The following GADL1 variants were observed in gnomAD, a reference collection of about 807,000 sequenced individuals.
GADL1 encodes the protein GAD like acidic amino acid decarboxylase 1.
In GADL1, 71 loss-of-function variants were observed where a neutral mutation model predicts 69.5. The ratio of observed to expected loss-of-function variants is 1.02; its 90% confidence interval spans 0.84 to 1.25. The LOEUF (loss-of-function observed/expected upper bound fraction) is 1.25, where lower values mean the gene tolerates loss of function less well. Among genes scored for constraint, GADL1 ranks in the 50% most tolerant of loss-of-function variants. The pLI is 0.00. For missense variants in GADL1, 737 were observed against 631.8 expected (o/e 1.17, Z -1.79); for synonymous variants, 254 against 214.4 (o/e 1.18, Z -1.62).
intron 1 of GADL1, among the ~76,000 whole-genome samples, chr3:30,880,020 C>T (rs1267909150): frequency 1.4e-5 from 2 of 138,166 alleles, no homozygotes; most frequent in African/African-American, 5.8e-5. Context: ...ACACTGCTGG[C>T]ATAAAGGAAG....
intron 14 of GADL1, among the ~76,000 whole-genome samples, chr3:30,775,143 T>C (rs1297534413): frequency 6.6e-6 from 1 of 152,204 alleles, no homozygotes; most frequent in Non-Finnish European, 1.5e-5. Flanking sequence ...TGTTCTCAAA[T>C]AGTCTCACGT....
At chr3:30,778,146 CAAAAAG>C in intron 14 of GADL1, 27 bp downstream of exon 14, 1 of 1,259,908 alleles carries the variant, frequency 7.9e-7, no homozygotes, top group Non-Finnish European at 1.2e-6. Flanking sequence ...TCTACTTCAT[CAAAAAG>C]AAAAATACCA....
At chr3:30,879,706 G>A (rs186910495) in intron 1 of GADL1, among the ~76,000 whole-genome samples, 8 of 151,954 alleles carry the variant, frequency 5.3e-5, no homozygotes. Flanking sequence ...CAGAAATGGA[G>A]ATTTTTCCGT....
intron 1 of GADL1, among the ~76,000 whole-genome samples, chr3:30,863,408 A>G (rs867266327): frequency 7.2e-5 from 11 of 152,036 alleles, no homozygotes; most frequent in Middle Eastern, 3.2e-3. Context: ...CATGCCGATC[A>G]TTGACTAAAT....
At chr3:30,888,418 A>T (rs1437171109) in intron 1 of GADL1, among the ~76,000 whole-genome samples, 1 of 152,198 alleles carries the variant, frequency 6.6e-6, no homozygotes. Context: ...ACCATCGTGG[A>T]GTTGCGGAGA....
At chr3:30,743,073 T>C (rs1695650321) in intron 14 of GADL1, among the ~76,000 whole-genome samples, 1 of 152,022 alleles carries the variant, frequency 6.6e-6, no homozygotes. Context: ...GCTACATAAA[T>C]TTTTTTCAAC....
At chr3:30,860,660 A>G (rs1280824765) in intron 2 of GADL1, among the ~76,000 whole-genome samples, 4 of 152,004 alleles carry the variant, frequency 2.6e-5, no homozygotes, top group African/African-American at 4.8e-5. Context: ...TAAAAATGAT[A>G]CTTATTTCTA....
chr3:30,770,649 A>G (rs1348214806), intron 14 of GADL1, among the ~76,000 whole-genome samples: 1 of 152,086 alleles, frequency 6.6e-6, no homozygotes, highest in Non-Finnish European at 1.5e-5. Flanking sequence ...GTCTCATCCT[A>G]ACCTCAGGCC....
At chr3:30,833,712 T>G (rs1363062989) in intron 11 of GADL1, 141 bp downstream of exon 11, 13 of 633,758 alleles carry the variant, frequency 2.1e-5, no homozygotes, top group Non-Finnish European at 2.9e-5. Flanking sequence ...GTCTTTCATG[T>G]AGAGACCATC....
intron 14 of GADL1, among the ~76,000 whole-genome samples, chr3:30,770,562 G>A (rs529432388): frequency 5.3e-5 from 8 of 151,404 alleles, no homozygotes; most frequent in African/African-American, 2.0e-4. Context: ...GGTGCCCAGT[G>A]GATCAGTAGG....
chr3:30,812,249 GT>G (rs752306840), intron 11 of GADL1, among the ~76,000 whole-genome samples: 2 of 152,170 alleles, frequency 1.3e-5, no homozygotes, highest in Non-Finnish European at 2.9e-5. Flanking sequence ...AAGTCTATGG[GT>G]TATGTACAAA....
chr3:30,778,371 T>G (rs964127865), intron 13 of GADL1, 103 bp from the exon 14 acceptor site: 1 of 713,456 alleles, frequency 1.4e-6, no homozygotes, highest in Admixed American at 2.6e-5. Flanking sequence ...AGTTATCATG[T>G]GTATAAAATT....
intron 1 of GADL1, among the ~76,000 whole-genome samples, chr3:30,893,516 C>T (rs1037100063): frequency 2.0e-5 from 3 of 152,126 alleles, no homozygotes; most frequent in African/African-American, 4.8e-5. Context: ...CATTGACCTA[C>T]CTTTCTACAG....
chr3:30,768,034 TAC>T (rs1491497908), intron 14 of GADL1, among the ~76,000 whole-genome samples: 8 of 26,416 alleles, frequency 3.0e-4, no homozygotes, highest in African/African-American at 5.3e-4. Flanking sequence ...TAACTCCCCA[TAC>T]CCCCCCCCCC....
chr3:30,768,263 G>GT (rs980204072), intron 14 of GADL1, among the ~76,000 whole-genome samples: 1 of 152,138 alleles, frequency 6.6e-6, no homozygotes, highest in Non-Finnish European at 1.5e-5. Context: ...ATGTTCATCT[G>GT]TTATTGTTTA....
At chr3:30,753,478 C>T (rs9815972) in intron 14 of GADL1, among the ~76,000 whole-genome samples, 64,660 of 151,758 alleles carry the variant, frequency 0.43, 14,295 homozygotes, top group African/African-American at 0.53. Context: ...TTTTTCAATC[C>T]TAAAAAACCA....
intron 14 of GADL1, among the ~76,000 whole-genome samples, chr3:30,775,035 G>A (rs562413536): frequency 1.3e-5 from 2 of 152,314 alleles, no homozygotes; most frequent in African/African-American, 2.4e-5. Flanking sequence ...GTGAGAGTCA[G>A]AGGAGGATTT....
chr3:30,796,651 A>T (rs1204804312), intron 12 of GADL1, among the ~76,000 whole-genome samples: 1 of 152,166 alleles, frequency 6.6e-6, no homozygotes, highest in African/African-American at 2.4e-5. Flanking sequence ...CCTCCATAGG[A>T]ATAAACCCAA....
intron 1 of GADL1, among the ~76,000 whole-genome samples, chr3:30,871,917 T>C (rs1232291173): frequency 6.6e-6 from 1 of 150,504 alleles, no homozygotes; most frequent in East Asian, 1.9e-4. Flanking sequence ...AATGTTTTTC[T>C]TTCACTGGGC....
Sources: gnomAD v4.1 joint callset for allele counts (sites outside exome capture counted in the v4.1 genomes callset) on GRCh38, gnomAD v4.1.1 for gene constraint, MANE v1.5 for transcripts, NCBI Gene and HGNC (gene_info 2026-07-23, HGNC 2026-07-21) for gene names.